The following IGFL2 variants were observed in gnomAD, a reference collection of about 807,000 sequenced individuals.
IGFL2 encodes IGF like family member 2, also known as insulin growth factor-like family member 2.
In IGFL2, 7 loss-of-function variants were observed where a neutral mutation model predicts 13.9. That is an observed-to-expected ratio of 0.51 (90% CI 0.29 to 0.95). IGFL2 has a LOEUF of 0.95. Among genes scored for constraint, IGFL2 ranks in the 40% least tolerant of loss-of-function variants. The pLI, the probability that IGFL2 is intolerant of heterozygous loss-of-function variation, is 0.08. For synonymous variants in IGFL2, 55 were observed against 55.8 expected (o/e 0.99, Z 0.07); for missense variants, 138 against 147.8 (o/e 0.93, Z 0.34).
chr19:46,114,651 G>A, the IGFL2 span, among the ~76,000 whole-genome samples: 1 of 152,092 alleles, frequency 6.6e-6, no homozygotes, highest in African/African-American at 2.4e-5. Flanking sequence ...AGATCTGATG[G>A]TTAAAAAGTG....
chr19:46,152,109 T>C (rs1266500556), intron 1 of IGFL2, among the ~76,000 whole-genome samples: 1 of 152,180 alleles, frequency 6.6e-6, no homozygotes, highest in Non-Finnish European at 1.5e-5. Flanking sequence ...TATTCATAAG[T>C]ATTTTATTCT....
chr19:46,123,785 T>C, the IGFL2 span: 4 of 1,331,344 alleles, frequency 3.0e-6, no homozygotes, highest in South Asian at 1.5e-5. Flanking sequence ...GCCTGACTCT[T>C]TTGCCGTTAG....
the IGFL2 span, among the ~76,000 whole-genome samples, chr19:46,095,772 A>G: frequency 6.6e-6 from 1 of 152,190 alleles, no homozygotes; most frequent in African/African-American, 2.4e-5. Flanking sequence ...TCCCAGCACC[A>G]TTTATTAAAT....
the IGFL2 span, among the ~76,000 whole-genome samples, chr19:46,201,486 G>T: frequency 2.0e-5 from 3 of 152,172 alleles, no homozygotes; most frequent in Non-Finnish European, 2.9e-5. Context: ...GGCCTTCCAG[G>T]CTGGGTGAGG....
At chr19:46,160,376 T>A in intron 1 of IGFL2, 39 bp from the exon 2 acceptor site, 1 of 1,589,122 alleles carries the variant, frequency 6.3e-7, no homozygotes, top group South Asian at 1.1e-5. Flanking sequence ...GTGGCCACAC[T>A]TCCAGCCCCA....
the IGFL2 span, among the ~76,000 whole-genome samples, chr19:46,108,775 G>A: frequency 1.3e-5 from 2 of 152,098 alleles, no homozygotes; most frequent in African/African-American, 2.4e-5. Flanking sequence ...AAACACCAAC[G>A]GAAGACTGTC....
chr19:46,147,235 T>C (rs1973184514), upstream of IGFL2, among the ~76,000 whole-genome samples: 1 of 152,178 alleles, frequency 6.6e-6, no homozygotes, highest in South Asian at 2.1e-4. Context: ...GACAGTGCTG[T>C]CTACAATTAT....
At chr19:46,209,527 G>T in the IGFL2 span, 3 of 151,214 alleles carry the variant, frequency 2.0e-5, no homozygotes, top group Admixed American at 6.6e-5. Context: ...GTACTCAGAA[G>T]AGCCTTCTAG....
chr19:46,200,479 C>CTTTTCTTTTCTTTTCTTTTCTT, the IGFL2 span, among the ~76,000 whole-genome samples: 1 of 136,790 alleles, frequency 7.3e-6, no homozygotes, highest in Admixed American at 7.3e-5. Context: ...TGGCCCTTTT[C>CTTTTCTTTTCTTTTCTTTTCTT]TTTTCTTTTC....
chr19:46,107,568 C>G, the IGFL2 span, among the ~76,000 whole-genome samples: 2 of 151,620 alleles, frequency 1.3e-5, no homozygotes, highest in African/African-American at 4.9e-5. Flanking sequence ...TTAGGAGTTT[C>G]AAAGTTCTTG....
the IGFL2 span, among the ~76,000 whole-genome samples, chr19:46,095,377 T>G: frequency 6.6e-6 from 1 of 151,450 alleles, no homozygotes; most frequent in Non-Finnish European, 1.5e-5. Flanking sequence ...GATGGGTTGT[T>G]TTTTTTTCTT....
At chr19:46,198,683 C>T in the IGFL2 span, among the ~76,000 whole-genome samples, 1 of 152,130 alleles carries the variant, frequency 6.6e-6, no homozygotes, top group South Asian at 2.1e-4. Flanking sequence ...CTTTGGTCAC[C>T]AAAGCCCCTT....
the IGFL2 span, among the ~76,000 whole-genome samples, chr19:46,186,090 AGT>A: frequency 6.6e-6 from 1 of 152,066 alleles, no homozygotes; most frequent in Middle Eastern, 3.2e-3. Flanking sequence ...TCTCGAGGTG[AGT>A]GTGTCCTTTG....
chr19:46,176,492 T>C, the IGFL2 span, among the ~76,000 whole-genome samples: 1 of 152,138 alleles, frequency 6.6e-6, no homozygotes, highest in Admixed American at 6.5e-5. Flanking sequence ...TAATCTTGAC[T>C]CTGGGAGAAA....
chr19:46,119,284 G>A, the IGFL2 span, among the ~76,000 whole-genome samples: 4 of 152,240 alleles, frequency 2.6e-5, no homozygotes, highest in East Asian at 1.9e-4. Context: ...CCAACTGATC[G>A]CATCTTCTTG....
At chr19:46,194,850 ATATTTT>A in the IGFL2 span, among the ~76,000 whole-genome samples, 29 of 35,614 alleles carry the variant, frequency 8.1e-4, no homozygotes, top group South Asian at 3.4e-3. Flanking sequence ...ATATATATAT[ATATTTT>A]TTTTTTTTTT....
At chr19:46,132,833 G>A in the IGFL2 span, among the ~76,000 whole-genome samples, 1 of 152,086 alleles carries the variant, frequency 6.6e-6, no homozygotes, top group Non-Finnish European at 1.5e-5. Context: ...CAGGGAAAAG[G>A]TACACTCTGT....
chr19:46,146,652 C>T (rs1392499722), upstream of IGFL2, among the ~76,000 whole-genome samples: 6 of 152,078 alleles, frequency 3.9e-5, no homozygotes, highest in Non-Finnish European at 8.8e-5. Flanking sequence ...TTTATATGTT[C>T]TCCTAGATTT....
At chr19:46,126,609 C>G in the IGFL2 span, among the ~76,000 whole-genome samples, 1 of 152,152 alleles carries the variant, frequency 6.6e-6, no homozygotes, top group East Asian at 1.9e-4. Context: ...AAAATATGTA[C>G]TTGGGTTCAT....
Sources: gnomAD v4.1 joint callset for allele counts (sites outside exome capture counted in the v4.1 genomes callset) on GRCh38, gnomAD v4.1.1 for gene constraint, MANE v1.5 for transcripts, NCBI Gene and HGNC (gene_info 2026-07-23, HGNC 2026-07-21) for gene names.